LTA: variants seen among roughly 807,000 people sequenced by gnomAD.
LTA encodes lymphotoxin alpha.
LTA carries 6 observed loss-of-function variants against 15.1 expected under a neutral mutation model. That is an observed-to-expected ratio of 0.40 (90% confidence interval 0.22 to 0.78). The LOEUF (loss-of-function observed/expected upper bound fraction) is 0.78, where lower values mean the gene tolerates loss of function less well. Ranked by LOEUF, LTA falls within the 30% of genes least tolerant of loss-of-function variation. The pLI is 0.38. For synonymous variants in LTA, 87 were observed against 107.3 expected (o/e 0.81, Z 1.17); for missense variants, 173 against 249.5 (o/e 0.69, Z 2.06).
At chr6:31,572,609 T>TC (rs959715294) in intron 1 of LTA, 125 bp from the exon 2 acceptor site, 2 of 650,800 alleles carry the variant, frequency 3.1e-6, no homozygotes, top group East Asian at 5.3e-5. Flanking sequence ...CTGCATCTTG[T>TC]CCCCTTCTCT....
At chr6:31,566,302 C>T in the LTA span, among the ~76,000 whole-genome samples, 1 of 152,006 alleles carries the variant, frequency 6.6e-6, no homozygotes, top group South Asian at 2.1e-4. Flanking sequence ...TATGATGGTG[C>T]CATTGCACTC....
At chr6:31,570,737 C>A (rs1309842022), upstream of LTA, among the ~76,000 whole-genome samples, 2 of 152,148 alleles carry the variant, frequency 1.3e-5, no homozygotes, top group Non-Finnish European at 2.9e-5. Context: ...ATTACTGATA[C>A]ATACAACCAC....
At position 31,572,956 on chromosome 6, in the gene LTA, C is replaced by T; in HGVS notation, c.128C>T (p.Ser43Leu). The change falls in exon 3 of 4, where the codon TCA (serine) becomes TTA (leucine). Residue 43 changes from serine (S) to leucine (L), a missense_variant. Physicochemically the swap from Ser to Leu is moderately radical, Grantham distance 145. Transcript: ENST00000418386. ...CTCCCTGGTGTTGGCCTCACACCTT[C>T]AGCTGCCCAGACTGCCCGTCAGCAC... is the stretch of plus-strand genomic sequence containing the variant. The part of the protein sequence containing the change: ...QGLPGVGLTP[S>L]AAQTARQHPK... 6.2e-7 allele frequency: 1 copy of T among 1,612,808 alleles called. No individual in the cohort carries two copies. Among genetic ancestry groups the T allele is most frequent in the African/African-American group, 1.3e-5 (1 of 74,922 alleles).
chr6:31,572,906 C>A, intron 2 of LTA, 22 bp from the exon 3 acceptor site: 2 of 1,610,908 alleles, frequency 1.2e-6, no homozygotes, highest in Non-Finnish European at 1.7e-6. Flanking sequence ...CTAGAGCCCC[C>A]CTCAACTCTG....
At chr6:31,561,138 C>T in the LTA span, among the ~76,000 whole-genome samples, 3 of 151,990 alleles carry the variant, frequency 2.0e-5, no homozygotes, top group Non-Finnish European at 4.4e-5. Flanking sequence ...GGGAAAGGAG[C>T]GTCCTGAGGG....
At chr6:31,570,968 A>G (rs1215247049), upstream of LTA, among the ~76,000 whole-genome samples, 1 of 152,132 alleles carries the variant, frequency 6.6e-6, no homozygotes, top group African/African-American at 2.4e-5. Context: ...TGGTGGCTAC[A>G]TACAGATGGA....
chr6:31,561,726 G>T, the LTA span, among the ~76,000 whole-genome samples: 1 of 152,058 alleles, frequency 6.6e-6, no homozygotes, highest in Admixed American at 6.6e-5. Flanking sequence ...CCTATTAGGA[G>T]CAGGGCACTG....
At chr6:31,570,712 AT>A (rs736160), upstream of LTA, among the ~76,000 whole-genome samples, 36 of 152,284 alleles carry the variant, frequency 2.4e-4, 1 homozygote, top group African/African-American at 7.2e-4. Context: ...TTACATCATA[AT>A]TTTTTTTAAA....
the LTA span, among the ~76,000 whole-genome samples, chr6:31,565,826 A>G: frequency 6.6e-6 from 1 of 152,112 alleles, no homozygotes; most frequent in Admixed American, 6.6e-5. Context: ...TTCACCATCA[A>G]TGCCACTGCC....
the LTA span, among the ~76,000 whole-genome samples, chr6:31,565,304 A>G: frequency 6.6e-6 from 1 of 152,238 alleles, no homozygotes; most frequent in Non-Finnish European, 1.5e-5. Flanking sequence ...ATGGATTGGT[A>G]GAAGGGTCCT....
chr6:31,563,953 C>T, the LTA span, among the ~76,000 whole-genome samples: 1 of 152,098 alleles, frequency 6.6e-6, no homozygotes, highest in Non-Finnish European at 1.5e-5. Context: ...AAATTGTTGA[C>T]CATGCAGTAC....
chr6:31,564,237 C>A, the LTA span, among the ~76,000 whole-genome samples: 34 of 152,106 alleles, frequency 2.2e-4, no homozygotes, highest in Admixed American at 7.9e-4. Flanking sequence ...AATTGAGAGG[C>A]CAGACTGTAA....
In LTA at chr6:31,573,777, C is replaced by T. The variant is rs780981226; in HGVS notation, c.*84C>T. On this transcript the variant is annotated 3_prime_UTR_variant, in exon 4 of 4. Coordinates refer to ENST00000418386, the MANE Select transcript of LTA (RefSeq NM_000595.4). Reference sequence around the variant, plus strand: ...CCTCCATTCTGACCATTTCAGGGGTCGTCACCACCTCTCCTTTGGCCATTC... The same window carrying T: ...CCTCCATTCTGACCATTTCAGGGGTTGTCACCACCTCTCCTTTGGCCATTC... The T allele has an allele frequency of 4.7e-6, 7 of 1,484,376 alleles. No homozygotes were observed. The highest frequency in any genetic ancestry group is 2.3e-5 in the South Asian group (2 of 88,336). The allele number at this position is 1,484,376 out of a possible 1,614,324, so 92.0% of individuals were successfully genotyped here.
chr6:31,566,669 G>A, the LTA span, among the ~76,000 whole-genome samples: 1 of 148,762 alleles, frequency 6.7e-6, no homozygotes, highest in Non-Finnish European at 1.5e-5. Flanking sequence ...AAGGCTGGGT[G>A]CGGTGTCTCA....
At position 31,572,722 on chromosome 6, in the gene LTA, CTT is replaced by C; in HGVS notation, c.-9-10_-9-9del. On this transcript the variant is annotated splice_polypyrimidine_tract_variant and intron_variant, in intron 1 of 3. Transcript: ENST00000418386. Reference sequence around the variant, plus strand: ...GCTCACTGTCTCTCTCTCTCTCTCTCTTTCTCTGCAGGTTCTCCCCATGACAC... The same window carrying C: ...GCTCACTGTCTCTCTCTCTCTCTCTCTCTCTGCAGGTTCTCCCCATGACAC... 1 of 1,567,872 alleles carries C rather than the reference CTT, an allele frequency of 6.4e-7. No homozygotes were observed. Among genetic ancestry groups the C allele is most frequent in the Non-Finnish European group, 8.7e-7 (1 of 1,145,758 alleles).
At chr6:31,562,447 G>C in the LTA span, among the ~76,000 whole-genome samples, 4 of 152,154 alleles carry the variant, frequency 2.6e-5, no homozygotes, top group Admixed American at 6.5e-5. Context: ...AGTCTTTTGA[G>C]ACATCACACG....
At chr6:31,567,410 A>T (rs1360176072), upstream of LTA, among the ~76,000 whole-genome samples, 4 of 152,032 alleles carry the variant, frequency 2.6e-5, no homozygotes, top group Non-Finnish European at 2.9e-5. Context: ...AATATTTTTT[A>T]AAATTAGCCA....
chr6:31,571,627 C>CATACTTGACTGT (rs1770831381), upstream of LTA, among the ~76,000 whole-genome samples: 1 of 151,510 alleles, frequency 6.6e-6, no homozygotes, highest in South Asian at 2.1e-4. Flanking sequence ...GAGACCTCAT[C>CATACTTGACTGT]ATACTTGACT....
At position 31,572,769 on chromosome 6, in the gene LTA, C is replaced by T. The variant is rs773113772; in HGVS notation, c.27C>T (p.Leu9=). 6.2e-7 allele frequency: 1 copy of T among 1,610,590 alleles called. No individual in the cohort carries two copies. Among genetic ancestry groups the T allele is most frequent in the Admixed American group, 1.7e-5 (1 of 59,966 alleles). The change falls in exon 2 of 4, where the codon CTC becomes CTT. Residue 9 remains leucine, a synonymous_variant. Coordinates refer to ENST00000418386, the MANE Select transcript of LTA (RefSeq NM_000595.4). The part of the protein sequence containing the change: MTPPERLF[L]PRVCGTTLHL... Reference sequence around the variant, plus strand: ...TGACACCACCTGAACGTCTCTTCCTCCCAAGGGTGTGTGGCACCACCCTAC... The same window carrying T: ...TGACACCACCTGAACGTCTCTTCCTTCCAAGGGTGTGTGGCACCACCCTAC...
Sources: allele counts gnomAD v4.1 joint callset (sites outside exome capture counted in the v4.1 genomes callset), GRCh38; gene constraint gnomAD v4.1.1; transcripts MANE v1.5; gene names NCBI Gene and HGNC (gene_info 2026-07-23, HGNC 2026-07-21).